Variants in SETBP1 observed in about 807,000 individuals in gnomAD.
SETBP1 encodes SET-binding protein.
SETBP1 carries 9 observed loss-of-function variants against 101.0 expected under a neutral mutation model. The ratio of observed to expected loss-of-function variants is 0.09; its 90% CI spans 0.05 to 0.16. The LOEUF (loss-of-function observed/expected upper bound fraction) is 0.16. Among genes scored for constraint, SETBP1 ranks in the 10% least tolerant of loss-of-function variants. The probability of loss-of-function intolerance (pLI) is 1.00; values close to 1 mark genes in which losing one functional copy is unlikely to be tolerated. For synonymous variants in SETBP1, 818 were observed against 788.5 expected, an observed-to-expected ratio of 1.04 and a Z score of -0.63; for missense variants, 1,858 against 2,033.8, an observed-to-expected ratio of 0.91 and a Z score of 1.66.
chr18:44,973,517 A>G (rs2071915765), intron 4 of SETBP1, among the ~76,000 whole-genome samples: 1 of 152,174 alleles, frequency 6.6e-6, no homozygotes, highest in Admixed American at 6.5e-5. Context: ...TTAGAAACAG[A>G]GAAGGGCACT....
intron 2 of SETBP1, among the ~76,000 whole-genome samples, chr18:44,846,563 T>C (rs367818262): frequency 6.6e-5 from 10 of 152,194 alleles, no homozygotes; most frequent in Admixed American, 2.0e-4. Context: ...CTGAGCCTTA[T>C]ATGTTAAAAA....
At chr18:44,804,369 A>C (rs2071681549) in intron 2 of SETBP1, among the ~76,000 whole-genome samples, 1 of 152,100 alleles carries the variant, frequency 6.6e-6, no homozygotes, top group East Asian at 1.9e-4. Flanking sequence ...AATCATGTGA[A>C]CCTCATTTCA....
intron 4 of SETBP1, among the ~76,000 whole-genome samples, chr18:44,962,965 T>C (rs1310930030): frequency 6.6e-6 from 1 of 152,238 alleles, no homozygotes; most frequent in African/African-American, 2.4e-5. Context: ...CAGGGTGTTA[T>C]GCTTTTCAAA....
chr18:45,021,409 A>G (rs1416804138), intron 4 of SETBP1, among the ~76,000 whole-genome samples: 1 of 152,202 alleles, frequency 6.6e-6, no homozygotes, highest in Non-Finnish European at 1.5e-5. Flanking sequence ...TCTCCTGGTT[A>G]AACTGCCTGT....
At chr18:44,885,118 A>C (rs952385112) in intron 3 of SETBP1, among the ~76,000 whole-genome samples, 1 of 152,116 alleles carries the variant, frequency 6.6e-6, no homozygotes, top group Admixed American at 6.6e-5. Flanking sequence ...GATTTTCATG[A>C]TATCAGAATG....
intron 2 of SETBP1, among the ~76,000 whole-genome samples, chr18:44,808,567 G>A (rs1460984881): frequency 3.3e-5 from 5 of 152,166 alleles, no homozygotes; most frequent in Non-Finnish European, 5.9e-5. Context: ...CAGCACATGC[G>A]TCGACAGAAA....
In SETBP1 at chr18:44,904,978, C is replaced by T. The variant is rs372640044; in HGVS notation, c.540+35695C>T. 3.1e-4 allele frequency among the ~76,000 whole-genome samples: 47 copies of T among 152,154 alleles called. No homozygotes were observed. The South Asian group carries it at 8.9e-3, about 29-fold the overall frequency. On this transcript the variant is annotated intron_variant, in intron 3 of 5. Transcript: ENST00000649279. ...ACAAATGTAATCTAGTGGTATACTC[C>T]AGAAAGAAATGGATTTTTCATGAAG...
intron 4 of SETBP1, among the ~76,000 whole-genome samples, chr18:45,017,986 C>T (rs1302899393): frequency 6.6e-6 from 1 of 152,166 alleles, no homozygotes; most frequent in Non-Finnish European, 1.5e-5. Context: ...GACAGTGTCA[C>T]CAACAATGTA....
chr18:44,736,895 C>T (rs1474348388), intron 2 of SETBP1, among the ~76,000 whole-genome samples: 3 of 152,140 alleles, frequency 2.0e-5, no homozygotes, highest in African/African-American at 4.8e-5. Context: ...CCATTGTGCC[C>T]CAGGCAAACT....
At chr18:44,731,631 T>TACAC (rs58199613) in intron 2 of SETBP1, among the ~76,000 whole-genome samples, 301 of 149,844 alleles carry the variant, frequency 2.0e-3, no homozygotes, top group East Asian at 4.5e-3. Flanking sequence ...AATGGTTCTT[T>TACAC]ACACACACAC....
chr18:44,752,157 G>A (rs2070395188), intron 2 of SETBP1, among the ~76,000 whole-genome samples: 1 of 152,106 alleles, frequency 6.6e-6, no homozygotes, highest in South Asian at 2.1e-4. Flanking sequence ...AGAAGTGAAA[G>A]AACAATCCAC....
At chr18:44,947,666 C>G (rs1004626669) in intron 3 of SETBP1, among the ~76,000 whole-genome samples, 2 of 152,110 alleles carry the variant, frequency 1.3e-5, no homozygotes, top group Non-Finnish European at 2.9e-5. Context: ...ACCACCAAGC[C>G]TGGCTAATTT....
In SETBP1 at chr18:44,808,628, C is replaced by A. The variant is rs559987574; in HGVS notation, c.487-60602C>A. On this transcript the variant is annotated intron_variant, in intron 2 of 5. Coordinates refer to ENST00000649279, the MANE Select transcript of SETBP1 (RefSeq NM_015559.3). ...ACTGAGGAGATCAGCTTTTCTGGAA[C>A]ACATGGTGAGCTGCAGGAGGAACCA... 6.6e-5 allele frequency among the ~76,000 whole-genome samples: 10 copies of A among 152,278 alleles called. No individual in the cohort carries two copies. The South Asian group carries it at 2.1e-3, about 32-fold the overall frequency.
chr18:44,918,262 C>T (rs1013172026), intron 3 of SETBP1, among the ~76,000 whole-genome samples: 2 of 152,198 alleles, frequency 1.3e-5, no homozygotes, highest in African/African-American at 4.8e-5. Flanking sequence ...TTTCTGGCAA[C>T]ATGCACTTAT....
At chr18:44,716,821 C>T (rs554192911) in intron 2 of SETBP1, among the ~76,000 whole-genome samples, 16 of 152,222 alleles carry the variant, frequency 1.1e-4, no homozygotes, top group African/African-American at 3.1e-4. Flanking sequence ...CCTTGGCCTC[C>T]GAAAGTGCTG....
At chr18:44,939,321 A>T (rs2071035166) in intron 3 of SETBP1, among the ~76,000 whole-genome samples, 1 of 151,970 alleles carries the variant, frequency 6.6e-6, no homozygotes, top group Non-Finnish European at 1.5e-5. Context: ...CCTGATCTAC[A>T]CCTTTATATA....
intron 4 of SETBP1, among the ~76,000 whole-genome samples, chr18:45,031,944 C>T (rs1023623400): frequency 1.3e-5 from 2 of 152,104 alleles, no homozygotes; most frequent in African/African-American, 4.8e-5. Context: ...TGTTTTTTTA[C>T]AACTCATCCA....
At chr18:44,744,657 C>T (rs2070186205) in intron 2 of SETBP1, among the ~76,000 whole-genome samples, 1 of 151,964 alleles carries the variant, frequency 6.6e-6, no homozygotes, top group African/African-American at 2.4e-5. Context: ...TGCTGGAAGC[C>T]GGGCCAAACG....
chr18:44,901,271 T>C (rs2070038721), intron 3 of SETBP1, among the ~76,000 whole-genome samples: 1 of 152,198 alleles, frequency 6.6e-6, no homozygotes. Flanking sequence ...CTCTTCTATC[T>C]ATTCTGGGAT....
Sources: allele counts gnomAD v4.1 joint callset (sites outside exome capture counted in the v4.1 genomes callset), GRCh38; gene constraint gnomAD v4.1.1; transcripts MANE v1.5; gene names NCBI Gene and HGNC (gene_info 2026-07-23, HGNC 2026-07-21).